JDP2: variants seen among roughly 807,000 people sequenced by gnomAD.
JDP2 encodes progesterone receptor co-activator.
A neutral mutation model predicts 17.1 loss-of-function variants in JDP2; 9 were observed. The observed-to-expected ratio is 0.53, with a 90% CI of 0.32 to 0.92. The LOEUF is 0.92. JDP2 is among the 40% of genes least tolerant of loss of function. JDP2 has a pLI of 0.04. For synonymous variants in JDP2, 107 were observed against 95.6 expected, an observed-to-expected ratio of 1.12 and a Z score of -0.69; for missense variants, 179 against 220.0, an observed-to-expected ratio of 0.81 and a Z score of 1.18.
intron 3 of JDP2, among the ~76,000 whole-genome samples, chr14:75,467,756 G>T (rs1029438299): frequency 6.6e-6 from 1 of 152,028 alleles, no homozygotes; most frequent in African/African-American, 2.4e-5. Flanking sequence ...TCCGAGATGC[G>T]CCTCTCTTGG....
At chr14:75,461,925 G>A (rs576648838) in intron 3 of JDP2, among the ~76,000 whole-genome samples, 15 of 152,294 alleles carry the variant, frequency 9.8e-5, no homozygotes, top group African/African-American at 3.6e-4. Context: ...TCCTGCATGT[G>A]GGCACTGGAC....
At chr14:75,468,063 G>GC (rs1886646497) in intron 3 of JDP2, among the ~76,000 whole-genome samples, 1 of 152,284 alleles carries the variant, frequency 6.6e-6, no homozygotes, top group Admixed American at 6.5e-5. Flanking sequence ...CCCTGGGGAG[G>GC]CCGCTCCACC....
chr14:75,436,054 A>C (rs925687867), intron 1 of JDP2, among the ~76,000 whole-genome samples: 1 of 152,338 alleles, frequency 6.6e-6, no homozygotes, highest in East Asian at 1.9e-4. Context: ...TGAGGGTGCA[A>C]GTTACTCACA....
intron 2 of JDP2, among the ~76,000 whole-genome samples, chr14:75,439,736 C>T (rs1303732470): frequency 6.6e-6 from 1 of 152,182 alleles, no homozygotes; most frequent in African/African-American, 2.4e-5. Flanking sequence ...GGGGCACATC[C>T]CGGCTTATAT....
In JDP2 at chr14:75,470,588, G is replaced by A. The variant is rs1245629765; in HGVS notation, c.*1113G>A. 1 of 152,230 alleles carries A rather than the reference G, an allele frequency of 6.6e-6. No individual in the cohort carries two copies. The highest frequency in any genetic ancestry group is 2.4e-5 in the African/African-American group (1 of 41,436). 9.4% of individuals were successfully genotyped at this position (152,230 alleles called of 1,614,324 possible). ...CCTATTTCACAGATGAGGAAGCTAAGGCTCAGAGACATTAAGCCACCTGCA... is the reference window on the plus strand; with the variant it reads ...CCTATTTCACAGATGAGGAAGCTAAAGCTCAGAGACATTAAGCCACCTGCA... On this transcript the variant is annotated 3_prime_UTR_variant, in exon 4 of 4. Coordinates refer to ENST00000651602, the MANE Select transcript of JDP2 (RefSeq NM_001135048.2).
chr14:75,465,155 C>T (rs897955406), intron 3 of JDP2, among the ~76,000 whole-genome samples: 2 of 152,146 alleles, frequency 1.3e-5, no homozygotes, highest in Admixed American at 6.5e-5. Flanking sequence ...TTAGGAAACT[C>T]GTTTGTGGAA....
chr14:75,456,987 T>A (rs1222607436), intron 2 of JDP2, among the ~76,000 whole-genome samples: 2 of 152,204 alleles, frequency 1.3e-5, no homozygotes, highest in African/African-American at 4.8e-5. Flanking sequence ...AGGACCCGGA[T>A]GGCCTTGCCC....
chr14:75,442,353 A>C (rs1250225862), intron 2 of JDP2, among the ~76,000 whole-genome samples: 1 of 152,188 alleles, frequency 6.6e-6, no homozygotes, highest in Non-Finnish European at 1.5e-5. Flanking sequence ...GCTGAGGGGC[A>C]GATGCCTGCT....
In JDP2 at chr14:75,439,241, AGGACT is replaced by A. The variant is rs544398445; in HGVS notation, c.201+1122_201+1126del. Reference sequence around the variant, plus strand: ...CCTGATAGGTACCTAAAAACTGCAGAGGACTGCTGGGGGCTTGGCTGTGGTGGCAA... The same window carrying A: ...CCTGATAGGTACCTAAAAACTGCAGAGCTGGGGGCTTGGCTGTGGTGGCAA... On this transcript the variant is annotated intron_variant, in intron 2 of 3. Transcript: ENST00000651602. Among the ~76,000 whole-genome samples, 17 of 152,326 alleles carry A rather than the reference AGGACT, an allele frequency of 1.1e-4. No homozygotes were observed. The South Asian group carries it at 3.5e-3, about 32-fold the overall frequency.
intron 2 of JDP2, among the ~76,000 whole-genome samples, chr14:75,448,150 A>G (rs1178558537): frequency 1.3e-5 from 2 of 152,216 alleles, no homozygotes; most frequent in African/African-American, 4.8e-5. Flanking sequence ...GACTATAATA[A>G]GGATATGATG....
intron 2 of JDP2, among the ~76,000 whole-genome samples, chr14:75,454,295 C>T (rs1886002987): frequency 1.3e-5 from 2 of 152,174 alleles, no homozygotes; most frequent in South Asian, 4.1e-4. Flanking sequence ...GACCACCCAC[C>T]CCTTGAAGAG....
chr14:75,463,044 A>G (rs959380450), intron 3 of JDP2, among the ~76,000 whole-genome samples: 2 of 152,218 alleles, frequency 1.3e-5, no homozygotes, highest in African/African-American at 4.8e-5. Flanking sequence ...TGGATGAGAA[A>G]GCAGGGACTA....
chr14:75,455,554 T>A (rs1886064895), intron 2 of JDP2, among the ~76,000 whole-genome samples: 1 of 152,138 alleles, frequency 6.6e-6, no homozygotes, highest in South Asian at 2.1e-4. Context: ...ACTTGGCCAT[T>A]AGGAGGTACC....
At chr14:75,455,336 C>A (rs1886054361) in intron 2 of JDP2, among the ~76,000 whole-genome samples, 1 of 152,160 alleles carries the variant, frequency 6.6e-6, no homozygotes, top group South Asian at 2.1e-4. Flanking sequence ...AATCTCTCAA[C>A]TGTTGCTGTC....
chr14:75,432,738 A>T (rs1884865975), intron 1 of JDP2, among the ~76,000 whole-genome samples: 1 of 152,148 alleles, frequency 6.6e-6, no homozygotes, highest in South Asian at 2.1e-4. Flanking sequence ...GTTTCTATGG[A>T]CAGAAAGTTC....
intron 2 of JDP2, among the ~76,000 whole-genome samples, chr14:75,450,632 G>GATTACATC (rs1885807597): frequency 6.6e-6 from 1 of 152,232 alleles, no homozygotes. Flanking sequence ...AGGTGAATGT[G>GATTACATC]CTTGATTACA....
Position 75,472,653 on chromosome 14 carries a change from A to G in JDP2, c.*3178A>G, listed in dbSNP as rs574232466. 126 of 152,384 alleles carry G rather than the reference A, an allele frequency of 8.3e-4. No homozygotes were observed. Among genetic ancestry groups the G allele is most frequent in the African/African-American group, 2.8e-3 (118 of 41,590 alleles). 9.4% of individuals were successfully genotyped at this position (152,384 alleles called of 1,614,324 possible). A position where few individuals can be genotyped will look rare whatever the true frequency, so the allele number is the denominator to read the frequency against. On this transcript the variant is annotated 3_prime_UTR_variant, in exon 4 of 4. Transcript: ENST00000651602. ...ATGGAGTTATCAAGATCAAAAAAGG[A>G]ATGGATATACAAAGTGTTTTGTGAA...
intron 3 of JDP2, among the ~76,000 whole-genome samples, chr14:75,464,409 A>G (rs893086824): frequency 1.3e-5 from 2 of 152,212 alleles, no homozygotes; most frequent in Non-Finnish European, 2.9e-5. Flanking sequence ...TTCAGAAAAA[A>G]AAGCATCTGT....
chr14:75,451,901 G>T (rs563754293), intron 2 of JDP2, among the ~76,000 whole-genome samples: 1 of 152,220 alleles, frequency 6.6e-6, no homozygotes, highest in Non-Finnish European at 1.5e-5. Flanking sequence ...GGCACTAAGC[G>T]TCTGTAAAAG....
Sources: gnomAD v4.1 joint callset for allele counts (sites outside exome capture counted in the v4.1 genomes callset) on GRCh38, gnomAD v4.1.1 for gene constraint, MANE v1.5 for transcripts, NCBI Gene and HGNC (gene_info 2026-07-23, HGNC 2026-07-21) for gene names.